The following SDAD1 variants were observed in gnomAD, a reference collection of about 807,000 sequenced individuals.
SDAD1 encodes the protein protein SDA1 homolog.
SDAD1 carries 79 observed loss-of-function variants against 100.3 expected under a neutral mutation model. The ratio of observed to expected loss-of-function variants is 0.79; its 90% CI spans 0.66 to 0.95. The LOEUF (loss-of-function observed/expected upper bound fraction) is 0.95, where lower values mean the gene tolerates loss of function less well. Ranked by LOEUF, SDAD1 falls within the 40% of genes least tolerant of loss-of-function variation. The probability of loss-of-function intolerance (pLI) is 0.00; values close to 1 mark genes in which losing one functional copy is unlikely to be tolerated. For synonymous variants in SDAD1, 267 were observed against 271.4 expected (o/e 0.98, Z 0.16); for missense variants, 790 against 810.9 (o/e 0.97, Z 0.31).
In SDAD1 at chr4:75,957,357, A is replaced by G; in HGVS notation, c.1822T>C (p.Ser608Pro). Residue 608 changes from serine to proline, a missense_variant, in exon 20 of 22, where the codon TCT becomes CCT. By Grantham distance (74) the Ser-to-Pro change is moderately conservative (BLOSUM62 -1). Transcript: ENST00000356260. ...GTTGCTAGTCTTGTCTCTTTGTCAGACTTTGGCTTTTTATGAAGGCGTTCA... is the reference window on the plus strand; with the variant it reads ...GTTGCTAGTCTTGTCTCTTTGTCAGGCTTTGGCTTTTTATGAAGGCGTTCA... ...DIERLHKKPKSDKETRLATAM... is the reference protein window; with the variant it reads ...DIERLHKKPKPDKETRLATAM... 1.2e-6 allele frequency: 2 copies of G among 1,614,106 alleles called. No individual in the cohort carries two copies. The highest frequency in any genetic ancestry group is 1.6e-4 in the Middle Eastern group (1 of 6,062).
chr4:75,965,121 T>C (rs570166798), intron 13 of SDAD1, among the ~76,000 whole-genome samples: 2 of 152,318 alleles, frequency 1.3e-5, no homozygotes, highest in Non-Finnish European at 2.9e-5. Context: ...ATTCTTTTTC[T>C]AAGCAAGGAA....
chr4:75,959,126 A>AAAC (rs1729086375), intron 17 of SDAD1, among the ~76,000 whole-genome samples: 1 of 137,094 alleles, frequency 7.3e-6, no homozygotes, highest in Non-Finnish European at 1.6e-5. Context: ...AAAAAAAAAA[A>AAAC]AACCTAAAAA....
At chr4:75,982,158 A>G in intron 1 of SDAD1, 121 bp from the exon 2 acceptor site, 1 of 605,556 alleles carries the variant, frequency 1.7e-6, no homozygotes, top group Non-Finnish European at 2.8e-6. Flanking sequence ...AAGATAATGC[A>G]AAAGTATATA....
chr4:75,956,013 C>T lies in SDAD1; in HGVS notation c.1978G>A (p.Val660Ile), dbSNP rs17001276. The T allele has an allele frequency of 3.4e-3, 5,484 of 1,600,544 alleles. 159 individuals are homozygous for T. In the African/African-American group the frequency reaches 0.064, roughly 19 times the overall value. ...NFMMMRYSQN[V>I]RSKNKRSFRE... ...AAGGAACGCTTATTTTTTGACCGGACATTCTGGCTATACCGCATCATCATA... is the reference window on the plus strand; with the variant it reads ...AAGGAACGCTTATTTTTTGACCGGATATTCTGGCTATACCGCATCATCATA... The change falls in exon 21 of 22, where the codon GTC becomes ATC. Residue 660 changes from valine to isoleucine, a missense_variant. Coordinates refer to ENST00000356260, the MANE Select transcript of SDAD1 (RefSeq NM_018115.4).
Position 75,975,813 on chromosome 4 carries a change from C to G in SDAD1, c.509G>C (p.Arg170Thr). The G allele has an allele frequency of 6.2e-7, 1 of 1,613,982 alleles. No individual in the cohort carries two copies. The highest frequency in any genetic ancestry group is 8.5e-7 in the Non-Finnish European group (1 of 1,179,930). ...VLQNFMYTMLRDSNATAAKMS... is the reference protein window; with the variant it reads ...VLQNFMYTMLTDSNATAAKMS... ...CTTGGCTGCGGTTGCATTGCTATCT[C>G]TTAACATGGTGTACATGAAATTTTG... The change falls in exon 6 of 22, where the codon AGA (arginine) becomes ACA (threonine). Residue 170 changes from arginine to threonine, a missense_variant. Physicochemically the swap from Arg to Thr is moderately conservative, Grantham distance 71. Transcript: ENST00000356260.
In SDAD1 at chr4:75,955,985, C is replaced by G. The variant is rs375255291; in HGVS notation, c.2006G>C (p.Arg669Pro). ...TCAAGTGGAACTCACCTGTTTTTCT[C>G]GGAAGGAACGCTTATTTTTTGACCG... ...NVRSKNKRSFREKQLALRDAL... is the reference protein window; with the variant it reads ...NVRSKNKRSFPEKQLALRDAL... The change falls in exon 21 of 22, where the codon CGA (arginine) becomes CCA (proline). Residue 669 changes from arginine (R) to proline (P), a missense_variant. By Grantham distance (103) the Arg-to-Pro change is moderately radical. Transcript: ENST00000356260. 1 of 1,595,460 alleles carries G rather than the reference C, an allele frequency of 6.3e-7. No individual in the cohort carries two copies.
intron 12 of SDAD1, among the ~76,000 whole-genome samples, chr4:75,966,267 TACACACACACACACACACACACACACAC>T (rs375225256): frequency 7.2e-6 from 1 of 139,178 alleles, no homozygotes; most frequent in Non-Finnish European, 1.6e-5. Context: ...AATGAATGCA[TACACACACACACACACACACACACACAC>T]ACACACACAC....
chr4:75,957,253 ATACAAGTTCTGGCT>A lies in SDAD1; in HGVS notation c.1854+58_1854+71del. On this transcript the variant is annotated intron_variant, in intron 20 of 21. Coordinates refer to ENST00000356260, the MANE Select transcript of SDAD1 (RefSeq NM_018115.4). Reference sequence around the variant, plus strand: ...TTTTAAAAATTGCCATTCTGTGGCTATACAAGTTCTGGCTTATGTTTCATTTTATTTGCTTTCTG... The same window carrying A: ...TTTTAAAAATTGCCATTCTGTGGCTATATGTTTCATTTTATTTGCTTTCTG... The A allele has an allele frequency of 3.1e-6, 4 of 1,292,246 alleles. No homozygotes were observed. In the South Asian group the frequency reaches 5.2e-5, roughly 17 times the overall value. The allele number at this position is 1,292,246 out of a possible 1,614,324, so 80.0% of individuals were successfully genotyped here. A position where few individuals can be genotyped will look rare whatever the true frequency, so the allele number is the denominator to read the frequency against.
At chr4:75,970,204 T>C in intron 10 of SDAD1, 105 bp downstream of exon 10, 1 of 877,884 alleles carries the variant, frequency 1.1e-6, no homozygotes, top group Non-Finnish European at 1.8e-6. Flanking sequence ...TTATTGACTA[T>C]CTACTAAATG....
rs751077990 is a variant in SDAD1, at chr4:75,969,367, A to C, written c.916T>G (p.Cys306Gly). Residue 306 changes from cysteine to glycine, a missense_variant, in exon 11 of 22, where the codon TGC (cysteine) becomes GGC (glycine). By Grantham distance (159) the Cys-to-Gly change is radical. Transcript: ENST00000356260. ...TTCACTTCAAACCTCTCCTTACAGC[A>C]CTCAAGCTGCTTTAGTAGTTTTTCC... ...FAEKLLKQLE[C>G]CKERFEVKMM... The C allele has an allele frequency of 1.2e-6, 2 of 1,613,666 alleles. No homozygotes were observed. The highest frequency in any genetic ancestry group is 1.7e-5 in the Admixed American group (1 of 59,974).
intron 3 of SDAD1, among the ~76,000 whole-genome samples, chr4:75,978,183 A>G (rs1306494986): frequency 6.6e-6 from 1 of 151,582 alleles, no homozygotes; most frequent in Non-Finnish European, 1.5e-5. Context: ...CTTCTGAAGT[A>G]CCATCAGCAC....
chr4:75,952,384 C>T (rs898129899), intron 21 of SDAD1, among the ~76,000 whole-genome samples: 1 of 152,158 alleles, frequency 6.6e-6, no homozygotes, highest in African/African-American at 2.4e-5. Context: ...CAGTTCCTTC[C>T]CCTTCAAATG....
At position 75,960,072 on chromosome 4, in the gene SDAD1, C is replaced by A. The variant is rs199729977; in HGVS notation, c.1477G>T (p.Asp493Tyr). Residue 493 changes from aspartate (D) to tyrosine (Y), a missense_variant, in exon 17 of 22, where the codon GAT (aspartate) becomes TAT (tyrosine). Transcript: ENST00000356260. Reference sequence around the variant, plus strand: ...GGGTGAAATAAAAATCAACCTTCATCATTTTCAGCATTCTCTTCTTTCTCA... The same window carrying A: ...GGGTGAAATAAAAATCAACCTTCATAATTTTCAGCATTCTCTTCTTTCTCA... ...EVEKEENAEN[D>Y]EDGWESTSLS... 26 of 1,606,552 alleles carry A rather than the reference C, an allele frequency of 1.6e-5. No individual in the cohort carries two copies. In the East Asian group the frequency reaches 5.8e-4, roughly 36 times the overall value.
intron 3 of SDAD1, among the ~76,000 whole-genome samples, chr4:75,978,725 C>T (rs1401402290): frequency 2.0e-5 from 3 of 151,830 alleles, no homozygotes; most frequent in Non-Finnish European, 4.4e-5. Context: ...CCCATAATCT[C>T]AGCACTTTGG....
At chr4:75,980,529 G>A (rs1730440881) in intron 3 of SDAD1, among the ~76,000 whole-genome samples, 2 of 152,200 alleles carry the variant, frequency 1.3e-5, no homozygotes, top group African/African-American at 2.4e-5. Flanking sequence ...TAGAAGCAGA[G>A]ACTGATTTAT....
chr4:75,984,018 T>C (rs1043595050), intron 1 of SDAD1, among the ~76,000 whole-genome samples: 5 of 152,158 alleles, frequency 3.3e-5, no homozygotes, highest in African/African-American at 1.2e-4. Context: ...CTAGCCAGTT[T>C]TCCCAACACG....
chr4:75,950,092 C>T lies in SDAD1; in HGVS notation c.*658G>A, dbSNP rs1217616598. On this transcript the variant is annotated 3_prime_UTR_variant, in exon 22 of 22. Coordinates refer to ENST00000356260, the MANE Select transcript of SDAD1 (RefSeq NM_018115.4). The stretch of plus-strand genomic sequence containing the variant: ...AAAAGTGAGGTCTTAACCAAAAAGC[C>T]TTTACATGGCATTCAAAACAAAAAC... 7.3e-6 allele frequency: 1 copy of T among 136,490 alleles called. No individual in the cohort carries two copies. Among genetic ancestry groups the T allele is most frequent in the African/African-American group, 2.8e-5 (1 of 35,854 alleles). 8.5% of individuals were successfully genotyped at this position (136,490 alleles called of 1,614,324 possible).
rs959276995 is a variant in SDAD1 at position 75,949,996 on chromosome 4, C to A, written c.*754G>T. ...ACAGGCTGAAGGAAGGCTGAGGAAA[C>A]CAGTATGAAGGCAGCTCAAATGATG... On this transcript the variant is annotated 3_prime_UTR_variant, in exon 22 of 22. Transcript: ENST00000356260. The A allele has an allele frequency of 1.3e-5, 2 of 152,310 alleles. No homozygotes were observed. Among genetic ancestry groups the A allele is most frequent in the Admixed American group, 6.6e-5 (1 of 15,252 alleles). The allele number at this position is 152,310 out of a possible 1,614,324, so 9.4% of individuals were successfully genotyped here.
intron 1 of SDAD1, 140 bp downstream of exon 1, chr4:75,990,612 T>C (rs1731200927): frequency 3.8e-6 from 6 of 1,580,260 alleles, no homozygotes; most frequent in Non-Finnish European, 5.2e-6. Context: ...CCCAACCCCT[T>C]CTCTCCTCTG....
Sources: gnomAD v4.1 joint callset for allele counts (sites outside exome capture counted in the v4.1 genomes callset) on GRCh38, gnomAD v4.1.1 for gene constraint, MANE v1.5 for transcripts, NCBI Gene and HGNC (gene_info 2026-07-23, HGNC 2026-07-21) for gene names.